Variants in CDH4 observed in about 807,000 individuals in gnomAD.
The protein encoded by CDH4 is cadherin 4.
A neutral mutation model predicts 86.0 loss-of-function variants in CDH4; 33 were observed. That is an observed-to-expected ratio of 0.38 (90% CI 0.29 to 0.51). The LOEUF (loss-of-function observed/expected upper bound fraction) is 0.51, where lower values mean the gene tolerates loss of function less well. Ranked by LOEUF, CDH4 falls within the 20% of genes least tolerant of loss-of-function variation. CDH4 has a pLI of 0.86. For missense variants in CDH4, 1,114 were observed against 1,307.4 expected (o/e 0.85, Z 2.28); for synonymous variants, 555 against 549.4 (o/e 1.01, Z -0.14).
intron 2 of CDH4, among the ~76,000 whole-genome samples, chr20:61,350,140 G>A (rs865781705): frequency 1.1e-5 from 1 of 94,280 alleles, no homozygotes; most frequent in Non-Finnish European, 2.1e-5. Flanking sequence ...AGAGGCCAGC[G>A]GAACACCTCT....
At chr20:61,890,186 G>A (rs4925205) in intron 7 of CDH4, among the ~76,000 whole-genome samples, 5 of 36,010 alleles carry the variant, frequency 1.4e-4, no homozygotes, top group East Asian at 2.8e-4. Context: ...GATGATGGAT[G>A]GATAGATGAT....
At chr20:61,808,872 GA>G (rs1980279814) in intron 4 of CDH4, among the ~76,000 whole-genome samples, 1 of 151,720 alleles carries the variant, frequency 6.6e-6, no homozygotes, top group African/African-American at 2.4e-5. Flanking sequence ...TTAAACTACA[GA>G]CGTTGATTTT....
intron 2 of CDH4, among the ~76,000 whole-genome samples, chr20:61,391,792 T>TTACC (rs1056085009): frequency 2.6e-5 from 4 of 152,282 alleles, no homozygotes; most frequent in Middle Eastern, 3.4e-3. Context: ...CTGTCCCTAA[T>TTACC]TACCTGCCCT....
chr20:61,625,136 A>G (rs2086818237), intron 2 of CDH4, among the ~76,000 whole-genome samples: 1 of 152,108 alleles, frequency 6.6e-6, no homozygotes, highest in South Asian at 2.1e-4. Flanking sequence ...AAGAATCCCC[A>G]CAAAACTCAC....
chr20:61,641,203 C>T (rs28671463), intron 2 of CDH4, among the ~76,000 whole-genome samples: 94,333 of 151,670 alleles, frequency 0.62, 29,766 homozygotes, highest in African/African-American at 0.73. Flanking sequence ...AGGAAAGCCT[C>T]GATGTAGCTA....
At chr20:61,766,686 G>A (rs1024733188) in intron 3 of CDH4, among the ~76,000 whole-genome samples, 10 of 152,130 alleles carry the variant, frequency 6.6e-5, no homozygotes, top group African/African-American at 1.9e-4. Context: ...AGCCTGTGAC[G>A]CCCCCACCCT....
chr20:61,819,048 G>A (rs907499002), intron 4 of CDH4, among the ~76,000 whole-genome samples: 20 of 152,232 alleles, frequency 1.3e-4, no homozygotes, highest in Admixed American at 7.8e-4. Flanking sequence ...ATGTGGCTGC[G>A]CCCCACATGC....
intron 2 of CDH4, among the ~76,000 whole-genome samples, chr20:61,539,587 C>G (rs2086023938): frequency 1.3e-5 from 2 of 152,214 alleles, no homozygotes; most frequent in African/African-American, 2.4e-5. Flanking sequence ...AGGCCCAGCT[C>G]CAAATACAGC....
chr20:61,466,099 G>C (rs1316129671), intron 2 of CDH4, among the ~76,000 whole-genome samples: 1 of 152,188 alleles, frequency 6.6e-6, no homozygotes, highest in African/African-American at 2.4e-5. Flanking sequence ...TGCACCCAAG[G>C]AGATGTGGAT....
intron 2 of CDH4, among the ~76,000 whole-genome samples, chr20:61,474,121 C>A (rs895445427): frequency 2.7e-5 from 4 of 145,900 alleles, no homozygotes; most frequent in African/African-American, 1.0e-4. Context: ...AACATCCACT[C>A]GATGAGGTAT....
rs188260753 is a variant in CDH4, at chr20:61,730,209, G to A, written c.170-13354G>A. Among the ~76,000 whole-genome samples the A allele has an allele frequency of 1.1e-4, 16 of 152,180 alleles. No individual in the cohort carries two copies. The East Asian group carries it at 1.7e-3, about 17-fold the overall frequency. ...GGCTCTGTCTTGGTGTGGCGGATTC[G>A]TGGGTTTGGACAAATGCATGGTGGG... On this transcript the variant is annotated intron_variant, in intron 2 of 15. Coordinates refer to ENST00000614565, the MANE Select transcript of CDH4 (RefSeq NM_001794.5).
chr20:61,368,235 G>A (rs980092580), intron 2 of CDH4, among the ~76,000 whole-genome samples: 8 of 152,180 alleles, frequency 5.3e-5, no homozygotes, highest in African/African-American at 9.7e-5. Context: ...GAAATGGCAC[G>A]TACCTCCTTG....
intron 4 of CDH4, among the ~76,000 whole-genome samples, chr20:61,828,599 G>T (rs910529805): frequency 6.6e-6 from 1 of 152,152 alleles, no homozygotes; most frequent in African/African-American, 2.4e-5. Context: ...CTGAGGGGAG[G>T]GTCCTGAGGA....
At chr20:61,798,685 T>A (rs1979674941) in intron 4 of CDH4, among the ~76,000 whole-genome samples, 1 of 152,102 alleles carries the variant, frequency 6.6e-6, no homozygotes, top group Non-Finnish European at 1.5e-5. Flanking sequence ...AGTAACTTTC[T>A]CACAAGCCAG....
intron 4 of CDH4, among the ~76,000 whole-genome samples, chr20:61,809,514 G>GTAAT (rs774310805): frequency 3.3e-5 from 5 of 152,188 alleles, no homozygotes; most frequent in Non-Finnish European, 7.3e-5. Flanking sequence ...ATGATTAAGT[G>GTAAT]TAATTATAGC....
chr20:61,302,702 G>A (rs2084392773), intron 2 of CDH4, among the ~76,000 whole-genome samples: 1 of 152,190 alleles, frequency 6.6e-6, no homozygotes, highest in African/African-American at 2.4e-5. Flanking sequence ...CCCTGAGCAT[G>A]GGAGGTAGAA....
intron 2 of CDH4, among the ~76,000 whole-genome samples, chr20:61,530,741 G>C (rs6142791): frequency 0.19 from 28,201 of 152,016 alleles, 3,103 homozygotes; most frequent in East Asian, 0.44. Flanking sequence ...ATCCAGGAGT[G>C]AGGGCTGGGG....
chr20:61,874,480 C>A (rs906459056), intron 7 of CDH4, among the ~76,000 whole-genome samples: 7 of 152,322 alleles, frequency 4.6e-5, no homozygotes, highest in African/African-American at 1.4e-4. Context: ...TGACAGAGGC[C>A]TCCCTCCACC....
chr20:61,838,141 C>T (rs1981964800), intron 4 of CDH4, among the ~76,000 whole-genome samples: 1 of 47,572 alleles, frequency 2.1e-5, no homozygotes, highest in South Asian at 5.4e-4. Context: ...CGTCTACCTG[C>T]CTGTCTGCCT....
Sources: gnomAD v4.1 joint callset for allele counts (sites outside exome capture counted in the v4.1 genomes callset) on GRCh38, gnomAD v4.1.1 for gene constraint, MANE v1.5 for transcripts, NCBI Gene and HGNC (gene_info 2026-07-23, HGNC 2026-07-21) for gene names.